POLR3E: variants seen among roughly 807,000 people sequenced by gnomAD.
POLR3E encodes the protein RNA polymerase III subunit E.
A neutral mutation model predicts 96.6 loss-of-function variants in POLR3E; 41 were observed. That is an observed-to-expected ratio of 0.42 (90% confidence interval 0.33 to 0.55). The LOEUF is 0.55. POLR3E is among the 20% of genes least tolerant of loss of function. POLR3E has a pLI of 0.06. For synonymous variants in POLR3E, 396 were observed against 383.6 expected (o/e 1.03, Z -0.38); for missense variants, 849 against 952.1 (o/e 0.89, Z 1.43).
Position 22,308,243 on chromosome 16 carries a change from G to T in POLR3E, c.165+18G>T, listed in dbSNP as rs751916491. The T allele has an allele frequency of 5.6e-6, 9 of 1,593,094 alleles. No individual in the cohort carries two copies. In the African/African-American group the frequency reaches 1.2e-4, roughly 21 times the overall value. On this transcript the variant is annotated intron_variant, in intron 4 of 20. Coordinates refer to ENST00000299853, the MANE Select transcript of POLR3E (RefSeq NM_018119.4). ...AGCAGAAGGTGGGGCTGCCCCCTGA[G>T]GGCAGTTGGGGCCGAAAGAGAGGGT...
At chr16:22,332,350 T>C (rs1378374636) in intron 20 of POLR3E, among the ~76,000 whole-genome samples, 165 bp downstream of exon 20, 2 of 152,186 alleles carry the variant, frequency 1.3e-5, no homozygotes, top group African/African-American at 2.4e-5. Flanking sequence ...TTGATTGGCA[T>C]TGGTTGGGGA....
chr16:22,298,882 ATTTTT>A (rs980507746), intron 1 of POLR3E: 2 of 409,884 alleles, frequency 4.9e-6, no homozygotes, highest in African/African-American at 4.2e-5. Context: ...CCAGCACTGG[ATTTTT>A]TTTTTAAAGT....
At chr16:22,324,242 G>A (rs752466819) in intron 14 of POLR3E, 112 bp from the exon 15 acceptor site, 11 of 783,818 alleles carry the variant, frequency 1.4e-5, no homozygotes, top group Admixed American at 2.2e-5. Context: ...TCAAGGCCAG[G>A]AGCCTAGGAC....
chr16:22,320,894 C>T (rs1398447999), intron 13 of POLR3E, among the ~76,000 whole-genome samples: 7 of 152,232 alleles, frequency 4.6e-5, no homozygotes, highest in South Asian at 2.1e-4. Flanking sequence ...CAGTTTTGTT[C>T]TTATTCCTTT....
chr16:22,302,081 C>T (rs1252756320), intron 1 of POLR3E, among the ~76,000 whole-genome samples: 1 of 152,040 alleles, frequency 6.6e-6, no homozygotes, highest in African/African-American at 2.4e-5. Flanking sequence ...CAACCTGCCC[C>T]GTGGAGACCT....
chr16:22,325,459 C>G lies in POLR3E; in HGVS notation c.1348+193C>G, dbSNP rs935166577. On this transcript the variant is annotated intron_variant, in intron 17 of 20. Coordinates refer to ENST00000299853, the MANE Select transcript of POLR3E (RefSeq NM_018119.4). ...TTGCCCAGCAGCAGAGCCTCAGGGA[C>G]GGAGGCTTGCGGATTCCAGGGCTGA... is the stretch of plus-strand genomic sequence containing the variant. The G allele has an allele frequency of 6.4e-6, 4 of 622,740 alleles. No individual in the cohort carries two copies. In the East Asian group the frequency reaches 1.1e-4, roughly 17 times the overall value. The allele number at this position is 622,740 out of a possible 1,614,324, so 38.6% of individuals were successfully genotyped here. A position where few individuals can be genotyped will look rare whatever the true frequency, so the allele number is the denominator to read the frequency against.
chr16:22,303,715 A>C (rs1305050551), intron 2 of POLR3E, among the ~76,000 whole-genome samples: 1 of 140,014 alleles, frequency 7.1e-6, no homozygotes, highest in East Asian at 2.1e-4. Context: ...ATCTCGGCTC[A>C]CTGCAACCTT....
chr16:22,309,090 G>T (rs2141749208), intron 5 of POLR3E, 50 bp downstream of exon 5: 2 of 1,282,286 alleles, frequency 1.6e-6, no homozygotes, highest in East Asian at 2.3e-5. Flanking sequence ...TCACACAGGA[G>T]CCTCCAAAAG....
At chr16:22,324,121 A>G (rs9652579) in intron 14 of POLR3E, among the ~76,000 whole-genome samples, 12,071 of 151,932 alleles carry the variant, frequency 0.079, 708 homozygotes, top group African/African-American at 0.15. Flanking sequence ...GTGGGGTGGG[A>G]TGGTCCCATG....
chr16:22,321,525 A>T (rs980741083), intron 13 of POLR3E, among the ~76,000 whole-genome samples: 1 of 152,230 alleles, frequency 6.6e-6, no homozygotes, highest in Non-Finnish European at 1.5e-5. Flanking sequence ...ATCGCGTATT[A>T]CATAGGACCA....
At position 22,333,813 on chromosome 16, in the gene POLR3E, T is replaced by G; in HGVS notation, c.*113T>G. ...CACAGAGCAAGAGGAACTGACCATC[T>G]CATGACCTGTGGCATTGCACGGTGC... On this transcript the variant is annotated 3_prime_UTR_variant, in exon 21 of 21. Coordinates refer to ENST00000299853, the MANE Select transcript of POLR3E (RefSeq NM_018119.4). 1.3e-6 allele frequency: 1 copy of G among 748,220 alleles called. No individual in the cohort carries two copies. The highest frequency in any genetic ancestry group is 2.4e-6 in the Non-Finnish European group (1 of 413,372). 46.3% of individuals were successfully genotyped at this position (748,220 alleles called of 1,614,324 possible).
At chr16:22,327,710 G>T (rs565556247) in intron 18 of POLR3E, 3 of 152,278 alleles carry the variant, frequency 2.0e-5, no homozygotes, top group Admixed American at 6.5e-5. Context: ...TGAATAGATC[G>T]AGAACTTGAC....
intron 18 of POLR3E, chr16:22,328,058 T>C: frequency 5.9e-6 from 1 of 170,322 alleles, no homozygotes; most frequent in Non-Finnish European, 1.3e-5. Flanking sequence ...ACATGGTACA[T>C]GTGGGAAGCA....
chr16:22,315,330 A>G, intron 9 of POLR3E, 122 bp downstream of exon 9: 1 of 1,080,124 alleles, frequency 9.3e-7, no homozygotes, highest in Middle Eastern at 2.3e-4. Context: ...CAGATAGAGG[A>G]TCGAGTCCTG....
chr16:22,324,389 G>A lies in POLR3E; in HGVS notation c.1104G>A (p.Arg368=). 6.2e-7 allele frequency: 1 copy of A among 1,612,920 alleles called. No individual in the cohort carries two copies. Among genetic ancestry groups the A allele is most frequent in the African/African-American group, 1.3e-5 (1 of 74,856 alleles). The change falls in exon 15 of 21, where the codon AGG becomes AGA. Residue 368 remains arginine (R), a synonymous_variant. Coordinates refer to ENST00000299853, the MANE Select transcript of POLR3E (RefSeq NM_018119.4). ...WKFTQSRWVV[R]KEVATVTKLC... is the part of the protein sequence containing the mutation. ...TCACGCAGAGCCGCTGGGTGGTTAG[G>A]AAAGAGGTGGCAACCGTGACCAAAG... is the stretch of plus-strand genomic sequence containing the variant.
intron 5 of POLR3E, 192 bp from the exon 6 acceptor site, chr16:22,309,236 C>G (rs1467088012): frequency 3.0e-5 from 21 of 691,070 alleles, no homozygotes; most frequent in Non-Finnish European, 2.6e-6. Flanking sequence ...CTCCTCGTCT[C>G]TTGGTCTACA....
chr16:22,328,444 AT>A, intron 18 of POLR3E, 65 bp from the exon 19 acceptor site: 1 of 1,343,124 alleles, frequency 7.4e-7, no homozygotes, highest in Admixed American at 1.7e-5. Flanking sequence ...ACAGGGAGGG[AT>A]GAGGCAAGCA....
rs1182615468 is a variant in POLR3E at position 22,328,533 on chromosome 16, C to G, written c.1890C>G (p.Ser630=). Residue 630 remains serine, a synonymous_variant, in exon 19 of 21, where the codon TCC becomes TCG. Transcript: ENST00000299853. ...LVPFPPQTAA[S]PDEQKVFALW... ...AGTTTCCCCCCCAGACTGCTGCTTC[C>G]CCGGATGAGCAGAAGGTGTTTGCCC... The G allele has an allele frequency of 1.9e-6, 3 of 1,614,084 alleles. No individual in the cohort carries two copies. The highest frequency in any genetic ancestry group is 2.5e-6 in the Non-Finnish European group (3 of 1,179,964).
At position 22,333,633 on chromosome 16, in the gene POLR3E, C is replaced by G; in HGVS notation, c.2071-11C>G. On this transcript the variant is annotated splice_polypyrimidine_tract_variant and intron_variant, in intron 20 of 20. Transcript: ENST00000299853. The stretch of plus-strand genomic sequence containing the variant: ...GCAAAAATCTGTGCTTACCCTGTTT[C>G]TCTCTCATAGGACTGCTGTGTAAGC... The G allele has an allele frequency of 6.2e-7, 1 of 1,602,860 alleles. No individual in the cohort carries two copies. The highest frequency in any genetic ancestry group is 8.5e-7 in the Non-Finnish European group (1 of 1,169,790).
Sources: allele counts gnomAD v4.1 joint callset (sites outside exome capture counted in the v4.1 genomes callset), GRCh38; gene constraint gnomAD v4.1.1; transcripts MANE v1.5; gene names NCBI Gene and HGNC (gene_info 2026-07-23, HGNC 2026-07-21).